Variants in PLD5 observed in about 807,000 individuals in gnomAD.
PLD5 encodes the protein phospholipase D family member 5.
A neutral mutation model predicts 61.1 loss-of-function variants in PLD5; 36 were observed. The observed-to-expected ratio is 0.59, with a 90% CI of 0.45 to 0.78. The LOEUF is 0.78. Among genes scored for constraint, PLD5 ranks in the 30% least tolerant of loss-of-function variants. The probability of loss-of-function intolerance (pLI) is 0.00; values close to 1 mark genes in which losing one functional copy is unlikely to be tolerated. For missense variants in PLD5, 515 were observed against 644.4 expected (o/e 0.80, Z 2.17); for synonymous variants, 243 against 242.8 (o/e 1.00, Z -0.01).
chr1:242,506,180 A>G (rs1281470158), intron 1 of PLD5, among the ~76,000 whole-genome samples: 1 of 152,184 alleles, frequency 6.6e-6, no homozygotes, highest in African/African-American at 2.4e-5. Context: ...GTTAGTAATG[A>G]TGGTTACTCC....
rs796675668 is a variant in PLD5, at chr1:242,084,409, T to G, written c.*5445A>C. On this transcript the variant is annotated 3_prime_UTR_variant, in exon 10 of 10. Transcript: ENST00000536534. ...AGATAAGACTGCCTCAAATCCAAAT[T>G]ACTTTAGTAAATCAACAAAATTTTA... The G allele has an allele frequency of 3.0e-4, 45 of 152,224 alleles. No homozygotes were observed. Among genetic ancestry groups the G allele is most frequent in the African/African-American group, 1.1e-3 (44 of 41,542 alleles). The allele number at this position is 152,224 out of a possible 1,614,324, so 9.4% of individuals were successfully genotyped here. A position where few individuals can be genotyped will look rare whatever the true frequency, so the allele number is the denominator to read the frequency against.
At chr1:242,477,311 G>C (rs1306193328) in intron 1 of PLD5, among the ~76,000 whole-genome samples, 1 of 152,136 alleles carries the variant, frequency 6.6e-6, no homozygotes, top group Non-Finnish European at 1.5e-5. Context: ...CCTGGCCACT[G>C]CATGGTGTTG....
chr1:242,122,131 C>T (rs1662428711), intron 6 of PLD5, among the ~76,000 whole-genome samples: 1 of 152,116 alleles, frequency 6.6e-6, no homozygotes, highest in Admixed American at 6.5e-5. Context: ...AAAAACTACC[C>T]AAAGAAATGT....
At chr1:242,394,803 TATATATGTGAATATATATAC>T (rs1558527224) in intron 1 of PLD5, among the ~76,000 whole-genome samples, 869 of 73,026 alleles carry the variant, frequency 0.012, 223 homozygotes, top group African/African-American at 0.035. Flanking sequence ...TATATATGTG[TATATATGTGAATATATATAC>T]ATATATGTGA....
At chr1:242,386,125 A>G (rs1662587820) in intron 1 of PLD5, among the ~76,000 whole-genome samples, 2 of 151,954 alleles carry the variant, frequency 1.3e-5, no homozygotes, top group Non-Finnish European at 2.9e-5. Context: ...AAGTTTCCCT[A>G]TTTTATAAGA....
At chr1:242,309,122 A>T (rs1353953078) in intron 2 of PLD5, among the ~76,000 whole-genome samples, 1 of 152,154 alleles carries the variant, frequency 6.6e-6, no homozygotes, top group Non-Finnish European at 1.5e-5. Flanking sequence ...ATGGAGGGAA[A>T]GAATACATTC....
intron 3 of PLD5, among the ~76,000 whole-genome samples, chr1:242,281,430 G>A (rs1168722508): frequency 2.6e-5 from 4 of 151,998 alleles, no homozygotes; most frequent in South Asian, 2.1e-4. Context: ...AGAACAAAAC[G>A]TCAATCAACA....
At chr1:242,181,657 GTTTT>G (rs112861899) in intron 5 of PLD5, among the ~76,000 whole-genome samples, 1 of 149,504 alleles carries the variant, frequency 6.7e-6, no homozygotes, top group Non-Finnish European at 1.5e-5. Context: ...CTCTTCAATG[GTTTT>G]TTTTTGTTTT....
chr1:242,147,878 A>G (rs1312845869), intron 5 of PLD5, among the ~76,000 whole-genome samples: 1 of 152,086 alleles, frequency 6.6e-6, no homozygotes, highest in Non-Finnish European at 1.5e-5. Context: ...TTAAATTTTG[A>G]GAGTTTCATT....
Position 242,085,815 on chromosome 1 carries a change from A to T in PLD5, c.*4039T>A, listed in dbSNP as rs2148631870. 6.6e-6 allele frequency: 1 copy of T among 152,290 alleles called. No individual in the cohort carries two copies. Among genetic ancestry groups the T allele is most frequent in the East Asian group, 1.9e-4 (1 of 5,188 alleles). The allele number at this position is 152,290 out of a possible 1,614,324, so 9.4% of individuals were successfully genotyped here. A position where few individuals can be genotyped will look rare whatever the true frequency, so the allele number is the denominator to read the frequency against. On this transcript the variant is annotated 3_prime_UTR_variant, in exon 10 of 10. Transcript: ENST00000536534. Reference sequence around the variant, plus strand: ...TAATGGCAGCGTTTTACATTCCTAAAGTTAAAAATAATGAAATGAATTTTG... The same window carrying T: ...TAATGGCAGCGTTTTACATTCCTAATGTTAAAAATAATGAAATGAATTTTG...
intron 1 of PLD5, among the ~76,000 whole-genome samples, chr1:242,466,969 A>G (rs1667297747): frequency 6.6e-6 from 1 of 152,166 alleles, no homozygotes; most frequent in Non-Finnish European, 1.5e-5. Flanking sequence ...GGGTTGGGAA[A>G]TAGGAAGATG....
chr1:242,471,844 T>C (rs1667456733), intron 1 of PLD5, among the ~76,000 whole-genome samples: 1 of 152,180 alleles, frequency 6.6e-6, no homozygotes, highest in Non-Finnish European at 1.5e-5. Flanking sequence ...AGAACCAAGA[T>C]TATGATTTTT....
intron 5 of PLD5, among the ~76,000 whole-genome samples, chr1:242,200,256 A>G (rs1181930863): frequency 1.3e-5 from 2 of 152,144 alleles, no homozygotes; most frequent in Non-Finnish European, 2.9e-5. Flanking sequence ...GTTGATTTCA[A>G]TGGTCAGTGT....
intron 1 of PLD5, among the ~76,000 whole-genome samples, chr1:242,431,594 C>G (rs938652100): frequency 1.3e-4 from 20 of 152,194 alleles, no homozygotes; most frequent in African/African-American, 4.6e-4. Context: ...CTTTTAACTA[C>G]TTTAAGGGGA....
chr1:242,221,681 C>T (rs948739085), intron 4 of PLD5, among the ~76,000 whole-genome samples: 28 of 152,100 alleles, frequency 1.8e-4, no homozygotes, highest in African/African-American at 6.5e-4. Flanking sequence ...TCCAGCCATC[C>T]TGGAATAGTA....
At chr1:242,342,083 G>T (rs967016665) in intron 2 of PLD5, among the ~76,000 whole-genome samples, 1 of 152,212 alleles carries the variant, frequency 6.6e-6, no homozygotes. Flanking sequence ...TACTCAGCTT[G>T]CTTAACGATA....
chr1:242,457,011 TTC>T (rs1336905431), intron 1 of PLD5, among the ~76,000 whole-genome samples: 24 of 152,256 alleles, frequency 1.6e-4, no homozygotes, highest in African/African-American at 5.5e-4. Context: ...CTCTCGCTTA[TTC>T]TGTTTCTCTA....
At chr1:242,153,340 A>G (rs1195316466) in intron 5 of PLD5, among the ~76,000 whole-genome samples, 2 of 151,918 alleles carry the variant, frequency 1.3e-5, no homozygotes, top group Non-Finnish European at 2.9e-5. Flanking sequence ...GCTGTGCAGG[A>G]GCTCTTTAGT....
chr1:242,512,785 T>C (rs2654895), intron 1 of PLD5, among the ~76,000 whole-genome samples: 54,723 of 152,052 alleles, frequency 0.36, 10,124 homozygotes, highest in Admixed American at 0.41. Flanking sequence ...ATTACCTTCT[T>C]CATCTGACAA....
Sources: gnomAD v4.1 joint callset for allele counts (sites outside exome capture counted in the v4.1 genomes callset) on GRCh38, gnomAD v4.1.1 for gene constraint, MANE v1.5 for transcripts, NCBI Gene and HGNC (gene_info 2026-07-23, HGNC 2026-07-21) for gene names.